The following KATNB1 variants were observed in gnomAD, a reference collection of about 807,000 sequenced individuals.
KATNB1 encodes katanin p80 WD40 repeat-containing subunit B1.
In KATNB1, 38 loss-of-function variants were observed where a neutral mutation model predicts 82.3. The ratio of observed to expected loss-of-function variants is 0.46; its 90% CI spans 0.36 to 0.61. The LOEUF (loss-of-function observed/expected upper bound fraction) is 0.61. Ranked by LOEUF, KATNB1 falls within the 20% of genes least tolerant of loss-of-function variation. The probability of loss-of-function intolerance (pLI) is 0.00; values close to 1 mark genes in which losing one functional copy is unlikely to be tolerated. For synonymous variants in KATNB1, 361 were observed against 368.7 expected, an observed-to-expected ratio of 0.98 and a Z score of 0.24; for missense variants, 749 against 915.7, an observed-to-expected ratio of 0.82 and a Z score of 2.35.
At chr16:57,746,878 G>A (rs1340677408) in intron 4 of KATNB1, among the ~76,000 whole-genome samples, 2 of 152,116 alleles carry the variant, frequency 1.3e-5, no homozygotes, top group African/African-American at 4.8e-5. Flanking sequence ...TTTGCCTGAT[G>A]CTTTTCTTTT....
At position 57,753,212 on chromosome 16, in the gene KATNB1, GC is replaced by G; in HGVS notation, c.997del (p.Leu333SerfsTer18). 1.2e-6 allele frequency: 2 copies of G among 1,607,528 alleles called. No homozygotes were observed. Among genetic ancestry groups the G allele is most frequent in the Non-Finnish European group, 8.5e-7 (1 of 1,178,698 alleles). Reference sequence around the variant, plus strand: ...GGCACAGCCACTGCCCAACCCCAGCGCCCCCCTCCGGCGCATCTATGAGCGG... The same window carrying G: ...GGCACAGCCACTGCCCAACCCCAGCGCCCCCTCCGGCGCATCTATGAGCGG... ...PLAQPLPNPS[A>X]PLRRIYERPS... On this transcript the variant is annotated frameshift_variant, in exon 11 of 20. Transcript: ENST00000379661. LOFTEE classifies it high-confidence loss of function.
intron 16 of KATNB1, 38 bp from the exon 17 acceptor site, chr16:57,755,803 C>A: frequency 6.4e-7 from 1 of 1,550,692 alleles, no homozygotes; most frequent in Non-Finnish European, 8.8e-7. Context: ...CACACTGTCC[C>A]CCACTGCCCC....
At chr16:57,740,925 C>T (rs1384153752) in intron 2 of KATNB1, among the ~76,000 whole-genome samples, 1 of 152,238 alleles carries the variant, frequency 6.6e-6, no homozygotes, top group Admixed American at 6.5e-5. Context: ...ACGGAGCCCT[C>T]GCCTGCTACT....
chr16:57,751,020 C>A lies in KATNB1; in HGVS notation c.390+93C>A. 9.4e-7 allele frequency: 1 copy of A among 1,065,916 alleles called. No homozygotes were observed. Among genetic ancestry groups the A allele is most frequent in the Non-Finnish European group, 1.4e-6 (1 of 691,780 alleles). The allele number at this position is 1,065,916 out of a possible 1,614,324, so 66.0% of individuals were successfully genotyped here. A position where few individuals can be genotyped will look rare whatever the true frequency, so the allele number is the denominator to read the frequency against. ...CAGTGCTGGATGCCTGCTGAGGGGA[C>A]CTCTTCCCTTTCTGCAGCCACATCC... On this transcript the variant is annotated intron_variant, in intron 5 of 19. Transcript: ENST00000379661. This position sits in a 1 kb window ranked among gnomAD's most constrained non-coding sequence, Gnocchi z 6.3.
Position 57,753,000 on chromosome 16 carries a change from C to T in KATNB1, c.855+72C>T. The T allele has an allele frequency of 3.8e-6, 6 of 1,590,970 alleles. No homozygotes were observed. The South Asian group carries it at 4.4e-5, about 12-fold the overall frequency. On this transcript the variant is annotated intron_variant, in intron 10 of 19. Transcript: ENST00000379661. ...CCGCCTCCCTCCAGCCCAGGCCCCTCCTCCTACCCCCACACTGGGGCTGGG... is the reference window on the plus strand; with the variant it reads ...CCGCCTCCCTCCAGCCCAGGCCCCTTCTCCTACCCCCACACTGGGGCTGGG...
intron 2 of KATNB1, among the ~76,000 whole-genome samples, chr16:57,738,359 G>A (rs527827222): frequency 7.2e-5 from 11 of 151,780 alleles, no homozygotes; most frequent in South Asian, 2.1e-4. Context: ...GGGTTCATGC[G>A]ATTCTCGTGC....
At chr16:57,747,629 C>T (rs1450599379) in intron 4 of KATNB1, among the ~76,000 whole-genome samples, 3 of 152,176 alleles carry the variant, frequency 2.0e-5, no homozygotes, top group Non-Finnish European at 2.9e-5. Context: ...TGCTTGGTGT[C>T]GCTGAACTCA....
At chr16:57,741,559 G>C in intron 2 of KATNB1, 128 bp from the exon 3 acceptor site, 1 of 953,264 alleles carries the variant, frequency 1.0e-6, no homozygotes, top group Non-Finnish European at 1.6e-6. Context: ...ACCAAAGGGG[G>C]AGCTGAAGGA....
At chr16:57,742,367 A>C (rs2049149956) in intron 3 of KATNB1, among the ~76,000 whole-genome samples, 1 of 152,280 alleles carries the variant, frequency 6.6e-6, no homozygotes, top group African/African-American at 2.4e-5. Flanking sequence ...ATAGGAGTGC[A>C]TAAAGGAGAA....
chr16:57,740,657 G>A (rs553010755), intron 2 of KATNB1, among the ~76,000 whole-genome samples: 7 of 152,274 alleles, frequency 4.6e-5, no homozygotes, highest in African/African-American at 4.8e-5. Flanking sequence ...TCTGAGGCCC[G>A]GGCCGCCTCT....
In KATNB1 at chr16:57,755,985, C is replaced by T; in HGVS notation, c.1644-7C>T. 2 of 1,613,506 alleles carry T rather than the reference C, an allele frequency of 1.2e-6. No individual in the cohort carries two copies. The highest frequency in any genetic ancestry group is 1.7e-6 in the Non-Finnish European group (2 of 1,179,998). ...GGCTGATGGCAGCATGTCCTGGCCT[C>T]TCCTAGCTCCCTGTGGAAGCTGGAC... On this transcript the variant is annotated splice_region_variant and splice_polypyrimidine_tract_variant and intron_variant, in intron 17 of 19. Coordinates refer to ENST00000379661, the MANE Select transcript of KATNB1 (RefSeq NM_005886.3).
intron 2 of KATNB1, among the ~76,000 whole-genome samples, chr16:57,740,699 A>G (rs1319065266): frequency 2.0e-5 from 3 of 152,010 alleles, no homozygotes; most frequent in Non-Finnish European, 4.4e-5. Flanking sequence ...CTCCCTGCGG[A>G]GTCCTCCGAG....
At chr16:57,750,587 T>C (rs1436106675) in intron 4 of KATNB1, among the ~76,000 whole-genome samples, 2 of 152,132 alleles carry the variant, frequency 1.3e-5, no homozygotes, top group East Asian at 3.9e-4. Flanking sequence ...GATCACGCCA[T>C]TGCATTCCAG....
chr16:57,755,750 A>G, intron 16 of KATNB1, 91 bp from the exon 17 acceptor site: 1 of 1,238,236 alleles, frequency 8.1e-7, no homozygotes, highest in South Asian at 1.5e-5. Flanking sequence ...CCATCAGCAC[A>G]CCCACATTCA....
At chr16:57,753,920 A>C in intron 12 of KATNB1, 25 bp from the exon 13 acceptor site, 1 of 1,612,626 alleles carries the variant, frequency 6.2e-7, no homozygotes, top group Non-Finnish European at 8.5e-7. Flanking sequence ...GAGCGCTCAC[A>C]GCCAGGGGCC....
At chr16:57,752,276 G>T in intron 8 of KATNB1, 2 of 627,490 alleles carry the variant, frequency 3.2e-6, no homozygotes, top group Non-Finnish European at 5.7e-6. Context: ...TGGCTTCATG[G>T]GCAGGTTGGG....
rs1213908986 is a variant in KATNB1 at position 57,737,142 on chromosome 16, T to C, written c.-102T>C. On this transcript the variant is annotated 5_prime_UTR_variant, in exon 2 of 20. Transcript: ENST00000379661. Reference sequence around the variant, plus strand: ...TCTGCCTGGATGTGTGGGAACTCTCTGCCAACTTGATTGGTGGATCTGGGG... The same window carrying C: ...TCTGCCTGGATGTGTGGGAACTCTCCGCCAACTTGATTGGTGGATCTGGGG... 6.9e-7 allele frequency: 1 copy of C among 1,449,920 alleles called. No homozygotes were observed. The highest frequency in any genetic ancestry group is 9.6e-7 in the Non-Finnish European group (1 of 1,046,470). The allele number at this position is 1,449,920 out of a possible 1,614,324, so 89.8% of individuals were successfully genotyped here.
chr16:57,737,069 T>G lies in KATNB1; in HGVS notation c.-175T>G, dbSNP rs1597821695. On this transcript the variant is annotated 5_prime_UTR_variant, in exon 2 of 20. It removes the in-frame stop codon of an upstream open reading frame in the 5' UTR. Transcript: ENST00000379661. ...AGGCTGCTGCTGTTGCTGCTGTGGG[T>G]AATTTGGAACCACGAGGCACCCCAG... The G allele has an allele frequency of 1.3e-6, 1 of 747,982 alleles. No homozygotes were observed. The allele number at this position is 747,982 out of a possible 1,614,324, so 46.3% of individuals were successfully genotyped here. A position where few individuals can be genotyped will look rare whatever the true frequency, so the allele number is the denominator to read the frequency against.
Position 57,753,244 on chromosome 16 carries a change from C to A in KATNB1, c.1023C>A (p.Ser341Arg), listed in dbSNP as rs369638304. 2.5e-6 allele frequency: 4 copies of A among 1,601,880 alleles called. No individual in the cohort carries two copies. Among genetic ancestry groups the A allele is most frequent in the Non-Finnish European group, 3.4e-6 (4 of 1,174,378 alleles). ...TCCGGCGCATCTATGAGCGGCCCAG[C>A]ACAACCTGCAGCAAGCCTCAGAGGT... ...APLRRIYERP[S>R]TTCSKPQRVK... Residue 341 changes from serine to arginine, a missense_variant, in exon 11 of 20, where the codon AGC (serine) becomes AGA (arginine). This residue lies in a region of KATNB1 where 407 missense variants were observed against 434.7 expected (regional missense o/e 0.94). Coordinates refer to ENST00000379661, the MANE Select transcript of KATNB1 (RefSeq NM_005886.3).
Sources: gnomAD v4.1 joint callset for allele counts (sites outside exome capture counted in the v4.1 genomes callset) on GRCh38, gnomAD v4.1.1 for gene constraint, gnomAD v4.1.1 regional missense constraint, Gnocchi (gnomAD v3.1) non-coding constraint, MANE v1.5 for transcripts, NCBI Gene and HGNC (gene_info 2026-07-23, HGNC 2026-07-21) for gene names.